Variants in PPM1H observed in about 807,000 individuals in gnomAD.
The protein encoded by PPM1H is protein phosphatase 1H.
A neutral mutation model predicts 54.9 loss-of-function variants in PPM1H; 27 were observed. The observed-to-expected ratio is 0.49, with a 90% CI of 0.36 to 0.68. The LOEUF (loss-of-function observed/expected upper bound fraction) is 0.68, where lower values mean the gene tolerates loss of function less well. Ranked by LOEUF, PPM1H falls within the 30% of genes least tolerant of loss-of-function variation. The pLI is 0.00. For missense variants in PPM1H, 596 were observed against 667.8 expected (o/e 0.89, Z 1.19); for synonymous variants, 305 against 270.8 (o/e 1.13, Z -1.24).
chr12:62,701,773 CT>C (rs1183372747), intron 6 of PPM1H, among the ~76,000 whole-genome samples: 1 of 152,094 alleles, frequency 6.6e-6, no homozygotes, highest in African/African-American at 2.4e-5. Context: ...CTGGACATCA[CT>C]TGGAAAGGCC....
At chr12:62,915,245 A>C (rs1454005508) in intron 1 of PPM1H, among the ~76,000 whole-genome samples, 2 of 152,358 alleles carry the variant, frequency 1.3e-5, no homozygotes, top group East Asian at 3.9e-4. Flanking sequence ...ATCTCAGGAC[A>C]AAAGAAACTT....
intron 1 of PPM1H, among the ~76,000 whole-genome samples, chr12:62,895,421 C>T (rs1870950684): frequency 6.6e-6 from 1 of 152,172 alleles, no homozygotes; most frequent in Admixed American, 6.5e-5. Flanking sequence ...GCCAGGGGCA[C>T]AGGGTAGTGG....
Position 62,734,158 on chromosome 12 carries a change from A to T in PPM1H, c.954+3344T>A, listed in dbSNP as rs79660058. 1.1e-4 allele frequency among the ~76,000 whole-genome samples: 17 copies of T among 147,884 alleles called. No homozygotes were observed. In the East Asian group the frequency reaches 2.0e-3, roughly 17 times the overall value. Reference sequence around the variant, plus strand: ...TTTTTTTTTTTTTTTTAAAGAAAATAAAAAAAAAAGACGGCTGCCTACAAA... The same window carrying T: ...TTTTTTTTTTTTTTTTAAAGAAAATTAAAAAAAAAGACGGCTGCCTACAAA... On this transcript the variant is annotated intron_variant, in intron 5 of 9. Coordinates refer to ENST00000228705, the MANE Select transcript of PPM1H (RefSeq NM_020700.2).
chr12:62,832,708 T>C (rs1054912720), intron 1 of PPM1H, among the ~76,000 whole-genome samples: 8 of 152,188 alleles, frequency 5.3e-5, no homozygotes, highest in Non-Finnish European at 1.0e-4. Flanking sequence ...CTTATCAAGG[T>C]ACATGGCAGT....
At chr12:62,852,670 T>C (rs1453347374) in intron 1 of PPM1H, among the ~76,000 whole-genome samples, 2 of 152,238 alleles carry the variant, frequency 1.3e-5, no homozygotes, top group African/African-American at 4.8e-5. Context: ...ATCTCTTAGA[T>C]GAAAGATTAT....
Position 62,934,601 on chromosome 12 carries a change from A to G in PPM1H, c.136T>C (p.Phe46Leu). 5.7e-6 allele frequency: 9 copies of G among 1,574,750 alleles called. No homozygotes were observed. The highest frequency in any genetic ancestry group is 6.9e-6 in the Non-Finnish European group (8 of 1,161,308). The stretch of plus-strand genomic sequence containing the variant: ...ACCTCGTCCTGAGACAGCCCCAGGA[A>G]CTCTGGCCGCCCGTAGGGGAAACGC... ...PLRFPYGRPE[F>L]LGLSQDEVEC... is the part of the protein sequence containing the mutation. Residue 46 changes from phenylalanine to leucine, a missense_variant, in exon 1 of 10, where the codon TTC becomes CTC. Physicochemically the swap from Phe to Leu is conservative, Grantham distance 22. This residue lies in a region of PPM1H where 382 missense variants were observed against 387.1 expected (regional missense o/e 0.99). Coordinates refer to ENST00000228705, the MANE Select transcript of PPM1H (RefSeq NM_020700.2). This position sits in a 1 kb window ranked among gnomAD's most constrained non-coding sequence, Gnocchi z 4.2.
intron 5 of PPM1H, among the ~76,000 whole-genome samples, chr12:62,732,186 C>T (rs2076325174): frequency 6.6e-6 from 1 of 152,202 alleles, no homozygotes; most frequent in African/African-American, 2.4e-5. Context: ...CTGCCACATT[C>T]CGTGTGAACA....
chr12:62,735,862 G>C (rs2076346925), intron 5 of PPM1H, among the ~76,000 whole-genome samples: 2 of 152,192 alleles, frequency 1.3e-5, no homozygotes, highest in Non-Finnish European at 2.9e-5. Context: ...ACTTCCAAAG[G>C]CATGGGGGTC....
rs532438285 is a variant in PPM1H, at chr12:62,722,463, C to A, written c.955-2174G>T. On this transcript the variant is annotated intron_variant, in intron 5 of 9. Coordinates refer to ENST00000228705, the MANE Select transcript of PPM1H (RefSeq NM_020700.2). ...GTCATTCGCCCAAGACTGGGTGGAT[C>A]TTGAGCCTGAGCTTAATATCATGGT... Among the ~76,000 whole-genome samples, 3 of 152,318 alleles carry A rather than the reference C, an allele frequency of 2.0e-5. No individual in the cohort carries two copies. The East Asian group carries it at 5.8e-4, about 29-fold the overall frequency.
At chr12:62,663,758 G>A (rs573097182) in intron 9 of PPM1H, among the ~76,000 whole-genome samples, 7 of 152,152 alleles carry the variant, frequency 4.6e-5, no homozygotes, top group Admixed American at 1.3e-4. Context: ...TTGGGAGGCC[G>A]AGGTGGGCGC....
At chr12:62,890,717 TAC>T (rs5798665) in intron 1 of PPM1H, among the ~76,000 whole-genome samples, 58,833 of 142,866 alleles carry the variant, frequency 0.41, 12,344 homozygotes, top group Middle Eastern at 0.6. Context: ...TGTGTGTGTA[TAC>T]ACACACACAC....
At chr12:62,834,947 TG>T (rs1019954690) in intron 1 of PPM1H, among the ~76,000 whole-genome samples, 4 of 152,074 alleles carry the variant, frequency 2.6e-5, no homozygotes, top group African/African-American at 9.7e-5. Flanking sequence ...AAAGCTCAAG[TG>T]GGGGTTCAGC....
chr12:62,727,873 C>T (rs1318714232), intron 5 of PPM1H, among the ~76,000 whole-genome samples: 1 of 151,866 alleles, frequency 6.6e-6, no homozygotes, highest in Admixed American at 6.6e-5. Flanking sequence ...GTTGGCCAGG[C>T]TGGTCTTGAC....
chr12:62,765,356 A>G (rs540609904), intron 4 of PPM1H, among the ~76,000 whole-genome samples: 14 of 152,328 alleles, frequency 9.2e-5, no homozygotes, highest in African/African-American at 3.4e-4. Flanking sequence ...TTTCCCTAAA[A>G]GAAGCCATCT....
intron 5 of PPM1H, among the ~76,000 whole-genome samples, chr12:62,724,360 C>T (rs2076278655): frequency 6.6e-6 from 1 of 152,194 alleles, no homozygotes; most frequent in South Asian, 2.1e-4. Context: ...CGCTTTGCCT[C>T]CTAACAGGAG....
Position 62,934,126 on chromosome 12 carries a change from T to G in PPM1H, c.245+366A>C. ...CAACTATATTTTGGGAGGGTGGGGG[T>G]ACAGATAGCAGATTTTCCTTATGTG... is the stretch of plus-strand genomic sequence containing the variant. On this transcript the variant is annotated intron_variant, in intron 1 of 9. Transcript: ENST00000228705. This position sits in a 1 kb window ranked among gnomAD's most constrained non-coding sequence, Gnocchi z 4.2. 5.1e-6 allele frequency: 1 copy of G among 196,876 alleles called. No individual in the cohort carries two copies. Among genetic ancestry groups the G allele is most frequent in the South Asian group, 1.5e-4 (1 of 6,880 alleles). The allele number at this position is 196,876 out of a possible 1,614,324, so 12.2% of individuals were successfully genotyped here.
chr12:62,848,433 A>G (rs1312780642), intron 1 of PPM1H, among the ~76,000 whole-genome samples: 1 of 152,226 alleles, frequency 6.6e-6, no homozygotes, highest in African/African-American at 2.4e-5. Context: ...AATGCAATCT[A>G]GGACACTTTC....
At chr12:62,841,992 A>G (rs1480118175) in intron 1 of PPM1H, among the ~76,000 whole-genome samples, 3 of 152,130 alleles carry the variant, frequency 2.0e-5, no homozygotes, top group South Asian at 2.1e-4. Flanking sequence ...TGGCAAAACC[A>G]TTAATACCAC....
intron 1 of PPM1H, among the ~76,000 whole-genome samples, chr12:62,834,732 C>T (rs1026879165): frequency 2.0e-5 from 3 of 152,158 alleles, no homozygotes; most frequent in Admixed American, 6.5e-5. Context: ...TGCTGAAGCT[C>T]GTAGTACAGA....
Sources: gnomAD v4.1 joint callset for allele counts (sites outside exome capture counted in the v4.1 genomes callset) on GRCh38, gnomAD v4.1.1 for gene constraint, gnomAD v4.1.1 regional missense constraint, Gnocchi (gnomAD v3.1) non-coding constraint, MANE v1.5 for transcripts, NCBI Gene and HGNC (gene_info 2026-07-23, HGNC 2026-07-21) for gene names.